DNAJC1: variants seen among roughly 807,000 people sequenced by gnomAD.
The protein encoded by DNAJC1 is dnaJ homolog subfamily C member 1.
Under a neutral mutation model 76.6 loss-of-function variants are expected in DNAJC1, and 58 were observed. That is an observed-to-expected ratio of 0.76 (90% CI 0.61 to 0.94). DNAJC1 has a LOEUF of 0.94. Among genes scored for constraint, DNAJC1 ranks in the 40% least tolerant of loss-of-function variants. The pLI, the probability that DNAJC1 is intolerant of heterozygous loss-of-function variation, is 0.00. For missense variants in DNAJC1, 689 were observed against 677.3 expected, an observed-to-expected ratio of 1.02 and a Z score of -0.19; for synonymous variants, 258 against 267.9, an observed-to-expected ratio of 0.96 and a Z score of 0.36.
At chr10:21,974,547 T>G (rs914202530) in intron 1 of DNAJC1, among the ~76,000 whole-genome samples, 1 of 152,140 alleles carries the variant, frequency 6.6e-6, no homozygotes, top group African/African-American at 2.4e-5. Context: ...ACATTTTATA[T>G]CACAACTCAG....
At chr10:21,774,094 T>A (rs1354103486) in intron 9 of DNAJC1, among the ~76,000 whole-genome samples, 1 of 127,638 alleles carries the variant, frequency 7.8e-6, no homozygotes, top group African/African-American at 3.1e-5. Flanking sequence ...TGAGCCGAGA[T>A]CCCGCCACTG....
chr10:21,913,767 A>G (rs1385964510), intron 6 of DNAJC1, among the ~76,000 whole-genome samples: 1 of 152,214 alleles, frequency 6.6e-6, no homozygotes, highest in African/African-American at 2.4e-5. Context: ...ACAGACTGGT[A>G]AGATGTCAAA....
chr10:21,898,831 C>T (rs1396698440), intron 7 of DNAJC1, among the ~76,000 whole-genome samples: 2 of 149,080 alleles, frequency 1.3e-5, no homozygotes, highest in Non-Finnish European at 3.0e-5. Context: ...ATTCCTTCTA[C>T]TTACTAAAAA....
rs1564816706 is a variant in DNAJC1, at chr10:21,883,219, C to T, written c.821-780G>A. On this transcript the variant is annotated intron_variant, in intron 7 of 11. Coordinates refer to ENST00000376980, the MANE Select transcript of DNAJC1 (RefSeq NM_022365.4). Reference sequence around the variant, plus strand: ...TAGCCAAGATCACACCACTGCATTCCAGCCTGGGTGACAGAGTGAGATTCT... The same window carrying T: ...TAGCCAAGATCACACCACTGCATTCTAGCCTGGGTGACAGAGTGAGATTCT... 6.8e-5 allele frequency among the ~76,000 whole-genome samples: 10 copies of T among 148,092 alleles called. No individual in the cohort carries two copies. The South Asian group carries it at 2.2e-3, about 33-fold the overall frequency.
chr10:21,881,945 A>G (rs910633418), intron 8 of DNAJC1, among the ~76,000 whole-genome samples: 3 of 151,696 alleles, frequency 2.0e-5, no homozygotes, highest in Admixed American at 6.6e-5. Flanking sequence ...ATGAGGTCAG[A>G]AGATCAAAAC....
intron 6 of DNAJC1, among the ~76,000 whole-genome samples, chr10:21,915,813 T>C (rs1934221056): frequency 6.6e-6 from 1 of 151,626 alleles, no homozygotes; most frequent in Non-Finnish European, 1.5e-5. Flanking sequence ...AAAATGCTGT[T>C]TTAATGTCCC....
chr10:21,780,554 T>C (rs1334296183), intron 9 of DNAJC1, among the ~76,000 whole-genome samples: 3 of 152,174 alleles, frequency 2.0e-5, no homozygotes, highest in South Asian at 2.1e-4. Context: ...CTGAGAGATT[T>C]TGTCACCACC....
At chr10:21,929,855 G>C (rs1214258471) in intron 1 of DNAJC1, among the ~76,000 whole-genome samples, 2 of 152,178 alleles carry the variant, frequency 1.3e-5, no homozygotes, top group African/African-American at 4.8e-5. Context: ...TCAGTACTTA[G>C]ATTAAGTGGA....
intron 9 of DNAJC1, among the ~76,000 whole-genome samples, chr10:21,785,009 C>G (rs1285432528): frequency 6.6e-6 from 1 of 151,980 alleles, no homozygotes; most frequent in Non-Finnish European, 1.5e-5. Flanking sequence ...ATGTAACAAA[C>G]CTGCATGTTG....
At chr10:21,968,940 G>C (rs1164921179) in intron 1 of DNAJC1, among the ~76,000 whole-genome samples, 1 of 152,126 alleles carries the variant, frequency 6.6e-6, no homozygotes, top group Non-Finnish European at 1.5e-5. Context: ...AATCCTAGGA[G>C]CCTGGGCACA....
intron 1 of DNAJC1, among the ~76,000 whole-genome samples, chr10:21,986,285 T>C (rs770119536): frequency 2.0e-5 from 3 of 152,242 alleles, no homozygotes; most frequent in Non-Finnish European, 2.9e-5. Context: ...TGCATAAGTA[T>C]TCCAGGTTTT....
chr10:21,911,822 TCAGTA>T (rs1218235875), intron 6 of DNAJC1, among the ~76,000 whole-genome samples: 2 of 152,324 alleles, frequency 1.3e-5, no homozygotes, highest in East Asian at 3.9e-4. Context: ...GTTTTTTCTT[TCAGTA>T]CAGTATTCAG....
At chr10:21,916,488 C>CA (rs879324342) in intron 6 of DNAJC1, among the ~76,000 whole-genome samples, 8 of 151,194 alleles carry the variant, frequency 5.3e-5, no homozygotes, top group Admixed American at 2.0e-4. Context: ...GACTCCGTCT[C>CA]AAAAAAAAGA....
At chr10:21,933,005 G>C (rs1445193903) in intron 1 of DNAJC1, 2 of 152,078 alleles carry the variant, frequency 1.3e-5, no homozygotes, top group Non-Finnish European at 2.9e-5. Context: ...AAGCTTGAAA[G>C]GACACAAAAA....
intron 6 of DNAJC1, among the ~76,000 whole-genome samples, chr10:21,909,421 T>A (rs2666765): frequency 0.73 from 109,117 of 150,230 alleles, 40,009 homozygotes; most frequent in East Asian, 0.99. Flanking sequence ...TTATATAAGA[T>A]ACAACAGTTT....
At chr10:21,799,325 G>T (rs998230079) in intron 9 of DNAJC1, among the ~76,000 whole-genome samples, 1 of 151,596 alleles carries the variant, frequency 6.6e-6, no homozygotes, top group African/African-American at 2.4e-5. Flanking sequence ...TTGAGACAGG[G>T]GCTCACTCTA....
In DNAJC1 at chr10:21,820,179, T is replaced by C. The variant is rs117586661; in HGVS notation, c.979-14080A>G. On this transcript the variant is annotated intron_variant, in intron 8 of 11. Coordinates refer to ENST00000376980, the MANE Select transcript of DNAJC1 (RefSeq NM_022365.4). ...CCCTATTCTGGGCATTTCATAAAAATGGAATCATATAATATGTAGTCTTTT... is the reference window on the plus strand; with the variant it reads ...CCCTATTCTGGGCATTTCATAAAAACGGAATCATATAATATGTAGTCTTTT... 2.0e-3 allele frequency among the ~76,000 whole-genome samples: 303 copies of C among 152,320 alleles called. 6 individuals are homozygous for C. The East Asian group carries it at 0.05, about 25-fold the overall frequency.
chr10:21,891,869 G>A (rs1309258694), intron 7 of DNAJC1, among the ~76,000 whole-genome samples: 1 of 152,074 alleles, frequency 6.6e-6, no homozygotes, highest in Non-Finnish European at 1.5e-5. Context: ...GGACAACAAG[G>A]AAAGAAGAAA....
chr10:21,793,826 C>A (rs1834720991), intron 9 of DNAJC1, among the ~76,000 whole-genome samples: 1 of 152,042 alleles, frequency 6.6e-6, no homozygotes, highest in Non-Finnish European at 1.5e-5. Flanking sequence ...GGTGGTCCAT[C>A]CCTGTAGTCC....
Sources: allele counts gnomAD v4.1 joint callset (sites outside exome capture counted in the v4.1 genomes callset), GRCh38; gene constraint gnomAD v4.1.1; transcripts MANE v1.5; gene names NCBI Gene and HGNC (gene_info 2026-07-23, HGNC 2026-07-21).